The following NDUFB1 variants were observed in gnomAD, a reference collection of about 807,000 sequenced individuals.
NDUFB1 encodes NADH dehydrogenase [ubiquinone] 1 beta subcomplex subunit 1.
Under a neutral mutation model 6.7 loss-of-function variants are expected in NDUFB1, and 6 were observed. The ratio of observed to expected loss-of-function variants is 0.89; its 90% CI spans 0.49 to 1.76. NDUFB1 has a LOEUF of 1.76. Among genes scored for constraint, NDUFB1 ranks in the 40% most tolerant of loss-of-function variants. The pLI, the probability that NDUFB1 is intolerant of heterozygous loss-of-function variation, is 0.01. For missense variants in NDUFB1, 56 were observed against 71.0 expected (o/e 0.79, Z 0.76); for synonymous variants, 17 against 22.9 (o/e 0.74, Z 0.74).
intron 1 of NDUFB1, 83 bp from the exon 2 acceptor site, chr14:92,117,725 C>T (rs1455541901): frequency 8.7e-6 from 12 of 1,373,870 alleles, no homozygotes; most frequent in Admixed American, 4.1e-5. Context: ...GGGCCAGGTG[C>T]GGTGGTTCAT....
intron 2 of NDUFB1, among the ~76,000 whole-genome samples, chr14:92,116,457 C>G (rs1427856197): frequency 6.6e-6 from 1 of 151,246 alleles, no homozygotes; most frequent in Non-Finnish European, 1.5e-5. Context: ...CCTCACCCTC[C>G]CAAGTAGCTG....
chr14:92,117,354 A>G (rs1302469907), intron 2 of NDUFB1, 144 bp downstream of exon 2: 1 of 832,558 alleles, frequency 1.2e-6, no homozygotes, highest in African/African-American at 1.7e-5. Flanking sequence ...CAAGGATTCA[A>G]TAACAAACAA....
Position 92,117,605 on chromosome 14 carries a change from G to C in NDUFB1, c.33C>G (p.His11Gln), listed in dbSNP as rs1343329351. ...CCATAGGGACAAGAACATGAACCCA[G>C]TGGTCCCGCACAATCTGAAGTAAGT... MVNLLQIVRD[H>Q]WVHVLVPMGF... Residue 11 changes from histidine to glutamine, a missense_variant, in exon 2 of 3, where the codon CAC (histidine) becomes CAG (glutamine). Transcript: ENST00000605997. 2 of 1,613,814 alleles carry C rather than the reference G, an allele frequency of 1.2e-6. No homozygotes were observed. The highest frequency in any genetic ancestry group is 2.7e-5 in the African/African-American group (2 of 74,858).
intron 2 of NDUFB1, among the ~76,000 whole-genome samples, chr14:92,116,667 A>T (rs936080082): frequency 3.9e-5 from 6 of 152,138 alleles, no homozygotes; most frequent in African/African-American, 9.7e-5. Flanking sequence ...CGATCCATTT[A>T]AAAAATTTAC....
intron 1 of NDUFB1, chr14:92,121,325 T>C (rs1355740208): frequency 2.1e-6 from 1 of 475,704 alleles, no homozygotes; most frequent in Non-Finnish European, 3.8e-6. Context: ...GCGTCTTCCC[T>C]GCTTCAGGCC....
At chr14:92,116,545 G>A (rs545865511) in intron 2 of NDUFB1, among the ~76,000 whole-genome samples, 2 of 151,850 alleles carry the variant, frequency 1.3e-5, no homozygotes, top group South Asian at 4.2e-4. Flanking sequence ...ATGTTGGCCA[G>A]GCTGGTCTCG....
chr14:92,117,405 G>T, intron 2 of NDUFB1, 93 bp downstream of exon 2: 1 of 1,319,032 alleles, frequency 7.6e-7, no homozygotes, highest in Non-Finnish European at 1.1e-6. Context: ...CCTCAAGGGG[G>T]AAAAATTACC....
chr14:92,117,538 G>A lies in NDUFB1; in HGVS notation c.100C>T (p.Arg34Trp), dbSNP rs528596748. ...GCYLDRKSDERLTAFRNKSML... is the reference protein window; with the variant it reads ...GCYLDRKSDEWLTAFRNKSML... ...CTCTTGTTCCGGAAGGCAGTTAGCC[G>A]TTCATCACTCTTTCTGTCTAAATAA... is the stretch of plus-strand genomic sequence containing the variant. The change falls in exon 2 of 3, where the codon CGG becomes TGG. Residue 34 changes from arginine (R) to tryptophan (W), a missense_variant. Coordinates refer to ENST00000605997, the MANE Select transcript of NDUFB1 (RefSeq NM_004545.4). The A allele has an allele frequency of 3.7e-5, 59 of 1,613,388 alleles. No homozygotes were observed. Among genetic ancestry groups the A allele is most frequent in the South Asian group, 1.6e-4 (15 of 91,054 alleles).
chr14:92,116,965 C>G (rs1475239467), intron 2 of NDUFB1, among the ~76,000 whole-genome samples: 1 of 152,194 alleles, frequency 6.6e-6, no homozygotes, highest in African/African-American at 2.4e-5. Context: ...GCTGTATGCC[C>G]ACTGGCAGGC....
intron 1 of NDUFB1, chr14:92,118,316 T>C (rs2068730706): frequency 6.6e-6 from 1 of 152,324 alleles, no homozygotes; most frequent in African/African-American, 2.4e-5. Context: ...GGAACTTTTT[T>C]TTGTAAAAGA....
chr14:92,121,362 C>A, intron 1 of NDUFB1: 4 of 546,108 alleles, frequency 7.3e-6, no homozygotes, highest in Non-Finnish European at 1.3e-5. Flanking sequence ...CCGGTCTTCT[C>A]TCCAGTCCGG....
At chr14:92,118,588 C>G (rs1356268436) in intron 1 of NDUFB1, 1 of 151,916 alleles carries the variant, frequency 6.6e-6, no homozygotes, top group Non-Finnish European at 1.5e-5. Flanking sequence ...TTACTGAAAA[C>G]TAAATTTAGA....
At chr14:92,116,333 T>TTC in intron 2 of NDUFB1, 104 bp from the exon 3 acceptor site, 1 of 516,814 alleles carries the variant, frequency 1.9e-6, no homozygotes, top group Admixed American at 4.0e-5. Context: ...TTCATTTTCT[T>TTC]TTTTTTTTTT....
chr14:92,116,337 T>A (rs1045107544), intron 2 of NDUFB1, 108 bp from the exon 3 acceptor site: 4 of 876,976 alleles, frequency 4.6e-6, no homozygotes, highest in East Asian at 3.3e-5. Flanking sequence ...TTTTCTTTTT[T>A]TTTTTTTTTT....
chr14:92,121,331 A>C (rs1567012314), intron 1 of NDUFB1: 22 of 481,408 alleles, frequency 4.6e-5, no homozygotes. Flanking sequence ...TCCCTGCTTC[A>C]GGCCAGGCGT....
At chr14:92,120,831 C>T (rs1301288065) in intron 1 of NDUFB1, among the ~76,000 whole-genome samples, 1 of 147,664 alleles carries the variant, frequency 6.8e-6, no homozygotes, top group Non-Finnish European at 1.5e-5. Flanking sequence ...GGATTACAGG[C>T]GTGAGCCACT....
chr14:92,120,592 C>T (rs1191693399), intron 1 of NDUFB1, among the ~76,000 whole-genome samples: 2 of 152,034 alleles, frequency 1.3e-5, no homozygotes, highest in Non-Finnish European at 2.9e-5. Context: ...TCAGGTGGTC[C>T]GCCCGCCTAG....
At chr14:92,121,267 A>T in intron 1 of NDUFB1, 3 of 341,716 alleles carry the variant, frequency 8.8e-6, no homozygotes, top group Non-Finnish European at 1.6e-5. Flanking sequence ...GCGAGAAGAC[A>T]GAAGGCTGGA....
intron 2 of NDUFB1, 48 bp from the exon 3 acceptor site, chr14:92,116,277 C>T: frequency 1.4e-6 from 2 of 1,469,934 alleles, no homozygotes; most frequent in Non-Finnish European, 1.9e-6. Context: ...GTAAATAAAA[C>T]TGTGATACGA....
Sources: gnomAD v4.1 joint callset for allele counts (sites outside exome capture counted in the v4.1 genomes callset) on GRCh38, gnomAD v4.1.1 for gene constraint, MANE v1.5 for transcripts, NCBI Gene and HGNC (gene_info 2026-07-23, HGNC 2026-07-21) for gene names.